IFIH1: variants seen among roughly 807,000 people sequenced by gnomAD.
The protein encoded by IFIH1 is interferon-induced helicase C domain-containing protein 1.
Under a neutral mutation model 107.4 loss-of-function variants are expected in IFIH1, and 125 were observed. That is an observed-to-expected ratio of 1.16 (90% confidence interval 1.01 to 1.35). The LOEUF (loss-of-function observed/expected upper bound fraction) is 1.35, where lower values mean the gene tolerates loss of function less well. Ranked by LOEUF, IFIH1 falls within the 40% of genes most tolerant of loss-of-function variation. IFIH1 has a pLI of 0.00. For missense variants in IFIH1, 1,333 were observed against 1,213.7 expected (o/e 1.10, Z -1.46); for synonymous variants, 458 against 413.2 (o/e 1.11, Z -1.31).
At chr2:162,272,707 A>C (rs769226549) in intron 12 of IFIH1, among the ~76,000 whole-genome samples, 1 of 152,048 alleles carries the variant, frequency 6.6e-6, no homozygotes, top group African/African-American at 2.4e-5. Context: ...ACGATCAATG[A>C]CTTGGACTGA....
Position 162,306,732 on chromosome 2 carries a change from A to G in IFIH1, c.746T>C (p.Phe249Ser), listed in dbSNP as rs1683286659. ...GMENNSSESS[F>S]ADSSVVSESD... ...ACCTGAAACTACAGAAGAATCTGCA[A>G]AAGATGATTCTGATGAGTTATTCTC... Residue 249 changes from phenylalanine to serine, a missense_variant, in exon 3 of 16, where the codon TTT becomes TCT. Coordinates refer to ENST00000649979, the MANE Select transcript of IFIH1 (RefSeq NM_022168.4). The G allele has an allele frequency of 6.2e-7, 1 of 1,613,768 alleles. No individual in the cohort carries two copies. Among genetic ancestry groups the G allele is most frequent in the African/African-American group, 1.3e-5 (1 of 74,938 alleles).
chr2:162,284,106 G>A (rs1014719863), intron 5 of IFIH1, among the ~76,000 whole-genome samples: 4 of 151,846 alleles, frequency 2.6e-5, no homozygotes, highest in Non-Finnish European at 5.9e-5. Flanking sequence ...TCTCTGGGGG[G>A]CAGAGGCTTG....
At chr2:162,288,093 A>G (rs1369122933) in intron 5 of IFIH1, 42 bp downstream of exon 5, 2 of 1,313,620 alleles carry the variant, frequency 1.5e-6, no homozygotes, top group Non-Finnish European at 2.2e-6. Context: ...TCAGAATAAT[A>G]CAATGAAAAT....
intron 3 of IFIH1, among the ~76,000 whole-genome samples, chr2:162,303,634 G>A (rs1683229483): frequency 6.6e-6 from 1 of 151,210 alleles, no homozygotes; most frequent in South Asian, 2.1e-4. Flanking sequence ...AGGGAAGGAG[G>A]GAGATAGAGA....
intron 1 of IFIH1, among the ~76,000 whole-genome samples, chr2:162,317,400 A>G (rs1683516878): frequency 6.6e-6 from 1 of 152,168 alleles, no homozygotes; most frequent in Admixed American, 6.5e-5. Flanking sequence ...AATAAGAAAA[A>G]CATTCAACAC....
intron 3 of IFIH1, among the ~76,000 whole-genome samples, chr2:162,302,244 G>T (rs1355459437): frequency 6.6e-6 from 1 of 152,076 alleles, no homozygotes; most frequent in Non-Finnish European, 1.5e-5. Flanking sequence ...CATAATCTTT[G>T]CATTAAAGCT....
intron 5 of IFIH1, among the ~76,000 whole-genome samples, chr2:162,282,793 T>G (rs1345456797): frequency 6.6e-6 from 1 of 151,944 alleles, no homozygotes; most frequent in East Asian, 1.9e-4. Context: ...GACACAAAGA[T>G]ATTTAACATA....
At chr2:162,297,779 C>T (rs2105218201) in intron 3 of IFIH1, among the ~76,000 whole-genome samples, 2 of 152,012 alleles carry the variant, frequency 1.3e-5, no homozygotes, top group South Asian at 4.2e-4. Context: ...TTATAACCAT[C>T]CAGTTAAGAG....
At chr2:162,316,805 C>G (rs1332721569) in intron 1 of IFIH1, among the ~76,000 whole-genome samples, 1 of 152,190 alleles carries the variant, frequency 6.6e-6, no homozygotes, top group African/African-American at 2.4e-5. Flanking sequence ...AGCATTTATA[C>G]ACATCACAGT....
chr2:162,313,967 G>A (rs189296990), intron 1 of IFIH1, among the ~76,000 whole-genome samples: 1 of 152,174 alleles, frequency 6.6e-6, no homozygotes, highest in East Asian at 1.9e-4. Context: ...TGGTTCTTCT[G>A]TGTAAATGGA....
At chr2:162,281,300 A>G in intron 7 of IFIH1, 28 bp downstream of exon 7, 4 of 1,573,978 alleles carry the variant, frequency 2.5e-6, no homozygotes, top group Non-Finnish European at 3.5e-6. Flanking sequence ...CTTTGCTTTC[A>G]TTGGTTATAC....
chr2:162,271,830 C>T (rs1320374370), intron 13 of IFIH1, among the ~76,000 whole-genome samples: 2 of 152,156 alleles, frequency 1.3e-5, no homozygotes, highest in Non-Finnish European at 2.9e-5. Flanking sequence ...CCTCTGTTGG[C>T]TGTTCCTATA....
chr2:162,271,686 AT>A (rs1409857359), intron 13 of IFIH1, among the ~76,000 whole-genome samples: 2 of 152,198 alleles, frequency 1.3e-5, no homozygotes, highest in African/African-American at 4.8e-5. Context: ...TCCTATTCTA[AT>A]TCTCTTCACT....
chr2:162,274,567 A>G (rs1302884948), intron 11 of IFIH1, among the ~76,000 whole-genome samples: 1 of 152,176 alleles, frequency 6.6e-6, no homozygotes, highest in Non-Finnish European at 1.5e-5. Flanking sequence ...TAAATATATT[A>G]TCAATTCAAA....
intron 11 of IFIH1, 75 bp downstream of exon 11, chr2:162,276,612 A>G (rs1682668574): frequency 6.7e-7 from 1 of 1,483,308 alleles, no homozygotes; most frequent in Admixed American, 2.2e-5. Context: ...CTGAAAGAAA[A>G]GAAGAAGAGA....
Position 162,310,878 on chromosome 2 carries a change from CT to C in IFIH1, c.508del (p.Arg170GlyfsTer13). 6.2e-7 allele frequency: 1 copy of C among 1,613,422 alleles called. No homozygotes were observed. The highest frequency in any genetic ancestry group is 8.5e-7 in the Non-Finnish European group (1 of 1,179,512). On this transcript the variant is annotated frameshift_variant, in exon 2 of 16. Coordinates refer to ENST00000649979, the MANE Select transcript of IFIH1 (RefSeq NM_022168.4). LOFTEE classifies it high-confidence loss of function. ...NESGVRELLK[R>X]IVQKENWFSA... ...GAACCAGTTTTCTTTCTGCACAATC[CT>C]TTTTAGTAGCTCTCTTACACCTGAT...
At position 162,280,052 on chromosome 2, in the gene IFIH1, T is replaced by G; in HGVS notation, c.1585A>C (p.Lys529Gln). 1.2e-6 allele frequency: 2 copies of G among 1,611,746 alleles called. No individual in the cohort carries two copies. The highest frequency in any genetic ancestry group is 1.7e-6 in the Non-Finnish European group (2 of 1,178,332). Reference protein sequence around the residue: ...KTVKENLDQLKNQIQEPCKKF... With the variant: ...KTVKENLDQLQNQIQEPCKKF... ...TTGCATGGCTCCTGTATTTGGTTTT[T>G]CAGTTGATCAAGGTTTTCTTTAACA... The change falls in exon 8 of 16, where the codon AAA (lysine) becomes CAA (glutamine). Residue 529 changes from lysine to glutamine, a missense_variant. By Grantham distance (53) the Lys-to-Gln change is moderately conservative. Transcript: ENST00000649979.
rs951965202 is a variant in IFIH1 at position 162,301,311 on chromosome 2, G to A, written c.769+5398C>T. Among the ~76,000 whole-genome samples the A allele has an allele frequency of 6.6e-5, 10 of 152,156 alleles. 1 individual carries two copies. The highest frequency in any genetic ancestry group is 2.2e-4 in the African/African-American group (9 of 41,454). On this transcript the variant is annotated intron_variant, in intron 3 of 15. Transcript: ENST00000649979. ...ATATTCACACATGGCACACTCTACA[G>A]TTACATTATAATCTTTCACGCTGAA...
rs369912470 is a variant in IFIH1, at chr2:162,288,610, G to A, written c.875-255C>T. ...GTCAACTAATTAAGAGGACTGGAAGGAGCAACATGGGGGAGTGTTTTCACA... is the reference window on the plus strand; with the variant it reads ...GTCAACTAATTAAGAGGACTGGAAGAAGCAACATGGGGGAGTGTTTTCACA... On this transcript the variant is annotated intron_variant, in intron 4 of 15. Coordinates refer to ENST00000649979, the MANE Select transcript of IFIH1 (RefSeq NM_022168.4). Among the ~76,000 whole-genome samples, 5 of 151,924 alleles carry A rather than the reference G, an allele frequency of 3.3e-5. 1 individual carries two copies. In the East Asian group the frequency reaches 5.8e-4, roughly 18 times the overall value.
Sources: allele counts gnomAD v4.1 joint callset (sites outside exome capture counted in the v4.1 genomes callset), GRCh38; gene constraint gnomAD v4.1.1; transcripts MANE v1.5; gene names NCBI Gene and HGNC (gene_info 2026-07-23, HGNC 2026-07-21).